Variants in CCDC178 observed in about 807,000 individuals in gnomAD.
CCDC178 encodes coiled-coil domain containing 178.
A neutral mutation model predicts 117.4 loss-of-function variants in CCDC178; 126 were observed. The ratio of observed to expected loss-of-function variants is 1.07; its 90% CI spans 0.93 to 1.24. The LOEUF (loss-of-function observed/expected upper bound fraction) is 1.24. Among genes scored for constraint, CCDC178 ranks in the 50% most tolerant of loss-of-function variants. The pLI is 0.00. For synonymous variants in CCDC178, 283 were observed against 313.4 expected (o/e 0.90, Z 1.02); for missense variants, 1,030 against 986.9 (o/e 1.04, Z -0.59).
chr18:33,119,425 C>G (rs1318006558), intron 20 of CCDC178, among the ~76,000 whole-genome samples: 6 of 152,108 alleles, frequency 3.9e-5, no homozygotes, highest in Non-Finnish European at 7.4e-5. Context: ...CCAACAGACA[C>G]ATGAAAAAAT....
chr18:33,333,503 CTACT>C (rs2062700387), intron 9 of CCDC178, 109 bp from the exon 10 acceptor site: 3 of 323,592 alleles, frequency 9.3e-6, no homozygotes, highest in South Asian at 5.9e-5. Flanking sequence ...GTGAATCTTA[CTACT>C]TTTTTTTTTT....
chr18:33,151,135 A>G (rs1240470231), intron 20 of CCDC178, among the ~76,000 whole-genome samples: 1 of 152,196 alleles, frequency 6.6e-6, no homozygotes, highest in Non-Finnish European at 1.5e-5. Flanking sequence ...TGTATTGAGT[A>G]CAGTGTACAC....
chr18:33,242,766 G>T (rs1299052184), intron 15 of CCDC178, among the ~76,000 whole-genome samples: 6 of 151,846 alleles, frequency 4.0e-5, no homozygotes. Context: ...ACAAATGCTG[G>T]TGAGATGTGG....
chr18:33,219,346 A>T (rs944686985), intron 18 of CCDC178, among the ~76,000 whole-genome samples: 1 of 152,158 alleles, frequency 6.6e-6, no homozygotes, highest in South Asian at 2.1e-4. Context: ...AACTAGTTCA[A>T]CCATTGTGGA....
chr18:33,159,984 T>A (rs2058443548), intron 20 of CCDC178, among the ~76,000 whole-genome samples: 1 of 152,112 alleles, frequency 6.6e-6, no homozygotes, highest in Non-Finnish European at 1.5e-5. Context: ...AGTGGTTATA[T>A]TACAAAAACT....
intron 21 of CCDC178, among the ~76,000 whole-genome samples, chr18:33,038,039 G>T (rs1423031903): frequency 1.3e-5 from 2 of 151,844 alleles, no homozygotes; most frequent in East Asian, 3.9e-4. Context: ...TGGAGAATTA[G>T]ATTGATCAGA....
intron 20 of CCDC178, among the ~76,000 whole-genome samples, chr18:33,196,733 C>T (rs1467827057): frequency 6.6e-6 from 1 of 152,102 alleles, no homozygotes; most frequent in Admixed American, 6.5e-5. Flanking sequence ...TACCTCATAA[C>T]TTCTGATAAT....
At chr18:33,250,135 T>C (rs977114652) in intron 14 of CCDC178, among the ~76,000 whole-genome samples, 3 of 151,770 alleles carry the variant, frequency 2.0e-5, no homozygotes, top group African/African-American at 7.2e-5. Context: ...AACAAGATGA[T>C]ATAAAAACAA....
At chr18:33,363,483 G>A (rs1230849675) in intron 6 of CCDC178, among the ~76,000 whole-genome samples, 2 of 151,948 alleles carry the variant, frequency 1.3e-5, no homozygotes, top group African/African-American at 2.4e-5. Context: ...TATTCCCAAT[G>A]AGCAGAACTG....
At chr18:33,257,668 C>A (rs565058743) in intron 14 of CCDC178, among the ~76,000 whole-genome samples, 1 of 152,214 alleles carries the variant, frequency 6.6e-6, no homozygotes, top group Admixed American at 6.5e-5. Flanking sequence ...AAAAACTTTT[C>A]ATGTTCTCCA....
chr18:33,078,449 A>C (rs1031394199), intron 21 of CCDC178, among the ~76,000 whole-genome samples: 8 of 152,178 alleles, frequency 5.3e-5, no homozygotes, highest in African/African-American at 1.7e-4. Flanking sequence ...AGGCAAGAGA[A>C]ATAAATAAAG....
At chr18:33,386,529 T>C (rs2063494897) in intron 5 of CCDC178, among the ~76,000 whole-genome samples, 1 of 152,130 alleles carries the variant, frequency 6.6e-6, no homozygotes, top group South Asian at 2.1e-4. Context: ...CCCACCATGA[T>C]CAAGTCACCT....
chr18:33,014,032 A>G (rs1411836079), intron 21 of CCDC178, among the ~76,000 whole-genome samples: 1 of 152,234 alleles, frequency 6.6e-6, no homozygotes, highest in Admixed American at 6.5e-5. Flanking sequence ...TCTGAAAAGT[A>G]TTCAAGGAAA....
chr18:33,089,731 A>AAAC (rs1478147146), intron 21 of CCDC178, among the ~76,000 whole-genome samples: 2 of 152,344 alleles, frequency 1.3e-5, no homozygotes, highest in African/African-American at 2.4e-5. Context: ...GTGGCAATTA[A>AAAC]AACAAATACA....
intron 21 of CCDC178, chr18:32,983,314 C>T (rs761419572): frequency 1.5e-5 from 23 of 1,531,532 alleles, no homozygotes; most frequent in Non-Finnish European, 1.8e-5. Flanking sequence ...ATATAATTGG[C>T]AGAGAGTTTG....
Position 33,322,093 on chromosome 18 carries a change from C to T in CCDC178, c.1022+1398G>A, listed in dbSNP as rs1356140119. Among the ~76,000 whole-genome samples, 4 of 151,832 alleles carry T rather than the reference C, an allele frequency of 2.6e-5. No individual in the cohort carries two copies. In the East Asian group the frequency reaches 5.8e-4, roughly 22 times the overall value. The stretch of plus-strand genomic sequence containing the variant: ...GAGGATATTAACAACTTCAAATTTG[C>T]ATGCACCTGAGAATATAGCCTCAAA... On this transcript the variant is annotated intron_variant, in intron 11 of 22. Transcript: ENST00000383096.
intron 4 of CCDC178, among the ~76,000 whole-genome samples, chr18:33,394,943 G>GTGTATATATATATA (rs1222110972): frequency 3.3e-5 from 2 of 61,498 alleles, no homozygotes; most frequent in African/African-American, 6.0e-5. Flanking sequence ...ATATGTATGT[G>GTGTATATATATATA]TATATATATA....
In CCDC178 at chr18:33,215,667, AG is replaced by A; in HGVS notation, c.1960del (p.Leu654Ter). ...ESKRSAIFKD[L>X]EATKSKTMIF... is the part of the protein sequence containing the mutation. ...CATTGTCTTACTTTTAGTTGCTTCT[AG>A]GTCTTTAAAAATTGCTGAGCGTTTA... On this transcript the variant is annotated frameshift_variant, in exon 19 of 23. Transcript: ENST00000383096. LOFTEE classifies it high-confidence loss of function. The A allele has an allele frequency of 6.5e-7, 1 of 1,533,820 alleles. No homozygotes were observed. Among genetic ancestry groups the A allele is most frequent in the East Asian group, 2.5e-5 (1 of 40,646 alleles).
At chr18:33,351,953 T>C (rs1197183204) in intron 7 of CCDC178, among the ~76,000 whole-genome samples, 1 of 152,230 alleles carries the variant, frequency 6.6e-6, no homozygotes, top group Non-Finnish European at 1.5e-5. Flanking sequence ...TTAGAAATTA[T>C]TCTCTTCTTT....
Sources: gnomAD v4.1 joint callset for allele counts (sites outside exome capture counted in the v4.1 genomes callset) on GRCh38, gnomAD v4.1.1 for gene constraint, MANE v1.5 for transcripts, NCBI Gene and HGNC (gene_info 2026-07-23, HGNC 2026-07-21) for gene names.